Variants in SLC41A3 observed in about 807,000 individuals in gnomAD.
The protein encoded by SLC41A3 is SLC41A1-like 2.
In SLC41A3, 44 loss-of-function variants were observed where a neutral mutation model predicts 45.4. That is an observed-to-expected ratio of 0.97 (90% CI 0.76 to 1.25). The LOEUF is 1.25. SLC41A3 is among the 50% of genes most tolerant of loss of function. The pLI, the probability that SLC41A3 is intolerant of heterozygous loss-of-function variation, is 0.00. For synonymous variants in SLC41A3, 256 were observed against 252.4 expected, an observed-to-expected ratio of 1.01 and a Z score of -0.13; for missense variants, 550 against 600.6, an observed-to-expected ratio of 0.92 and a Z score of 0.88.
Position 126,068,000 on chromosome 3 carries a change from T to C in SLC41A3, c.220A>G (p.Met74Val), listed in dbSNP as rs2108018166. 1.2e-6 allele frequency: 2 copies of C among 1,613,692 alleles called. No individual in the cohort carries two copies. The highest frequency in any genetic ancestry group is 2.2e-5 in the East Asian group (1 of 44,842). The change falls in exon 2 of 11, where the codon ATG becomes GTG. Residue 74 changes from methionine to valine, a missense_variant. Physicochemically the swap from Met to Val is conservative, Grantham distance 21 (BLOSUM62 1). Transcript: ENST00000360370. ...CAGGACAGTCCCAGGCCTGCAAACA[T>C]GAAGGGCACGGTCACCTGAAGGCCT... ...SIGLQVTVPF[M>V]FAGLGLSWAG...
At chr3:126,094,836 T>C (rs2108136740) in intron 1 of SLC41A3, among the ~76,000 whole-genome samples, 1 of 152,366 alleles carries the variant, frequency 6.6e-6, no homozygotes, top group African/African-American at 2.4e-5. Flanking sequence ...TGACTGTTTT[T>C]GATATGCCTA....
At chr3:126,025,981 A>G (rs910840925) in intron 5 of SLC41A3, among the ~76,000 whole-genome samples, 5 of 152,130 alleles carry the variant, frequency 3.3e-5, no homozygotes, top group Non-Finnish European at 7.3e-5. Context: ...AGTGTTTAAA[A>G]CCAACAGGCT....
At position 126,063,116 on chromosome 3, in the gene SLC41A3, G is replaced by A. The variant is rs1015546386; in HGVS notation, c.273+4831C>T. The stretch of plus-strand genomic sequence containing the variant: ...AGGTTCTCACAGACGTTGTGCCTGT[G>A]ACCCTCCATTCCCACTGCCCATTAT... On this transcript the variant is annotated intron_variant, in intron 2 of 10. Transcript: ENST00000360370. 2.0e-4 allele frequency among the ~76,000 whole-genome samples: 30 copies of A among 152,174 alleles called. 1 individual carries two copies. The highest frequency in any genetic ancestry group is 4.4e-5 in the Non-Finnish European group (3 of 68,028).
intron 8 of SLC41A3, among the ~76,000 whole-genome samples, chr3:126,013,867 T>A (rs1319737151): frequency 6.6e-6 from 1 of 151,970 alleles, no homozygotes; most frequent in African/African-American, 2.4e-5. Flanking sequence ...TGACAGGGCA[T>A]AGAACACAGA....
rs990038640 is a variant in SLC41A3 at position 126,016,696 on chromosome 3, G to T, written c.890+35C>A. 4 of 1,587,492 alleles carry T rather than the reference G, an allele frequency of 2.5e-6. No individual in the cohort carries two copies. The African/African-American group carries it at 5.4e-5, about 22-fold the overall frequency. ...TTCTAGGGGCCTTCATGGCTGAGAG[G>T]AGGAAGAGGGGCCGTGGCCCTGGCT... On this transcript the variant is annotated intron_variant, in intron 7 of 10. Coordinates refer to ENST00000360370, the MANE Select transcript of SLC41A3 (RefSeq NM_017836.4).
At chr3:126,089,331 G>T (rs920654915) in intron 1 of SLC41A3, among the ~76,000 whole-genome samples, 3 of 152,136 alleles carry the variant, frequency 2.0e-5, no homozygotes, top group African/African-American at 4.8e-5. Context: ...GTAGAAAAAG[G>T]TTCCTGGGAC....
intron 2 of SLC41A3, among the ~76,000 whole-genome samples, chr3:126,059,283 A>AAAAGAAAGAAAGAGAAAG (rs1943900195): frequency 2.3e-5 from 3 of 131,674 alleles, no homozygotes; most frequent in African/African-American, 8.6e-5. Flanking sequence ...AGAAAGAAAG[A>AAAAGAAAGAAAGAGAAAG]AAGAAAGAAA....
At position 126,067,609 on chromosome 3, in the gene SLC41A3, T is replaced by C. The variant is rs748214896; in HGVS notation, c.273+338A>G. The C allele has an allele frequency of 7.6e-5, 36 of 475,410 alleles. 1 individual carries two copies. The highest frequency in any genetic ancestry group is 5.6e-4 in the South Asian group (36 of 63,890). 29.4% of individuals were successfully genotyped at this position (475,410 alleles called of 1,614,324 possible). On this transcript the variant is annotated intron_variant, in intron 2 of 10. Transcript: ENST00000360370. ...GAACTGTGTGAAAATAAATGTCTGT[T>C]GTTGAAGCACCCCAGTGTGTGGGAC...
intron 3 of SLC41A3, among the ~76,000 whole-genome samples, chr3:126,047,891 T>C (rs1464637350): frequency 6.6e-6 from 1 of 152,126 alleles, no homozygotes; most frequent in African/African-American, 2.4e-5. Flanking sequence ...ATAGATGAAC[T>C]ACATGAAAAT....
At chr3:126,080,173 G>A (rs1185735131) in intron 1 of SLC41A3, among the ~76,000 whole-genome samples, 6 of 152,138 alleles carry the variant, frequency 3.9e-5, no homozygotes, top group Non-Finnish European at 8.8e-5. Context: ...TTTTGTGTAA[G>A]ACCTCAAAAA....
At chr3:126,093,710 C>A (rs1444306433) in intron 1 of SLC41A3, among the ~76,000 whole-genome samples, 9 of 149,508 alleles carry the variant, frequency 6.0e-5, no homozygotes, top group Admixed American at 4.0e-4. Context: ...GCCAGGAGAG[C>A]ACATAGCACA....
chr3:126,019,217 A>G (rs1477530384), intron 6 of SLC41A3, among the ~76,000 whole-genome samples: 1 of 152,074 alleles, frequency 6.6e-6, no homozygotes. Context: ...CCTCTTTTTT[A>G]AAGCCACCAG....
intron 1 of SLC41A3, among the ~76,000 whole-genome samples, chr3:126,078,381 GAAGA>G (rs1944980932): frequency 6.6e-6 from 1 of 152,188 alleles, no homozygotes; most frequent in African/African-American, 2.4e-5. Flanking sequence ...AGCTAGTGGA[GAAGA>G]AAGGAGAGGA....
At chr3:126,087,111 G>T (rs1038934825), upstream of SLC41A3, among the ~76,000 whole-genome samples, 2 of 152,192 alleles carry the variant, frequency 1.3e-5, no homozygotes, top group South Asian at 2.1e-4. Flanking sequence ...TAGCCATAGG[G>T]TTATAAAACT....
chr3:126,069,564 C>T (rs955952038), intron 1 of SLC41A3, among the ~76,000 whole-genome samples: 1 of 152,028 alleles, frequency 6.6e-6, no homozygotes, highest in Admixed American at 6.6e-5. Flanking sequence ...TGTTAAAGGT[C>T]TAGTTTTCAA....
intron 2 of SLC41A3, chr3:126,057,004 C>T (rs566647698): frequency 1.5e-5 from 15 of 1,023,220 alleles, no homozygotes; most frequent in African/African-American, 5.0e-5. Flanking sequence ...AGTGCCCACA[C>T]GGAGGTCTGC....
chr3:126,028,067 T>C (rs1380451315), intron 4 of SLC41A3, among the ~76,000 whole-genome samples: 1 of 152,044 alleles, frequency 6.6e-6, no homozygotes, highest in Non-Finnish European at 1.5e-5. Context: ...GTTTGGAAAA[T>C]TTGCAGCCTG....
chr3:126,057,496 G>A (rs183345676), intron 2 of SLC41A3, among the ~76,000 whole-genome samples: 42 of 152,324 alleles, frequency 2.8e-4, no homozygotes, highest in African/African-American at 9.4e-4. Context: ...GCAGAAGCCC[G>A]AAGCTGGGGG....
intron 5 of SLC41A3, chr3:126,023,988 T>C (rs1941134006): frequency 6.6e-6 from 1 of 152,242 alleles, no homozygotes; most frequent in Admixed American, 6.5e-5. Context: ...CACAGCCCTG[T>C]GTCTCCTTTT....
Sources: gnomAD v4.1 joint callset for allele counts (sites outside exome capture counted in the v4.1 genomes callset) on GRCh38, gnomAD v4.1.1 for gene constraint, MANE v1.5 for transcripts, NCBI Gene and HGNC (gene_info 2026-07-23, HGNC 2026-07-21) for gene names.